Variants in PRKCA observed in about 807,000 individuals in gnomAD.
The protein encoded by PRKCA is protein kinase C alpha.
A neutral mutation model predicts 87.0 loss-of-function variants in PRKCA; 27 were observed. The ratio of observed to expected loss-of-function variants is 0.31; its 90% CI spans 0.23 to 0.43. PRKCA has a LOEUF of 0.43. Ranked by LOEUF, PRKCA falls within the 20% of genes least tolerant of loss-of-function variation. PRKCA has a pLI of 1.00. For missense variants in PRKCA, 518 were observed against 852.3 expected (o/e 0.61, Z 4.88); for synonymous variants, 329 against 311.1 (o/e 1.06, Z -0.61).
At chr17:66,330,991 C>G (rs1038001301) in intron 2 of PRKCA, among the ~76,000 whole-genome samples, 3 of 152,206 alleles carry the variant, frequency 2.0e-5, no homozygotes, top group African/African-American at 7.2e-5. Flanking sequence ...TACTTTTAAT[C>G]TCTGGAGCAA....
Position 66,804,918 on chromosome 17 carries a change from C to A in PRKCA, c.*881C>A. ...AGTGTTGTTCACCAACACCCACCCC[C>A]ACACACACCAACATTTTGCTGCCTA... On this transcript the variant is annotated 3_prime_UTR_variant, in exon 17 of 17. Coordinates refer to ENST00000413366, the MANE Select transcript of PRKCA (RefSeq NM_002737.3). 1.2e-6 allele frequency: 1 copy of A among 868,802 alleles called. No individual in the cohort carries two copies. Among genetic ancestry groups the A allele is most frequent in the Non-Finnish European group, 1.4e-6 (1 of 738,592 alleles). The allele number at this position is 868,802 out of a possible 1,614,324, so 53.8% of individuals were successfully genotyped here.
intron 2 of PRKCA, among the ~76,000 whole-genome samples, chr17:66,481,723 C>T (rs1040140447): frequency 2.0e-5 from 3 of 152,182 alleles, no homozygotes; most frequent in African/African-American, 7.2e-5. Flanking sequence ...CCTCCCAGGC[C>T]TGCCAGACTT....
At chr17:66,670,757 G>A (rs1598860452) in intron 5 of PRKCA, among the ~76,000 whole-genome samples, 1 of 152,080 alleles carries the variant, frequency 6.6e-6, no homozygotes, top group African/African-American at 2.4e-5. Flanking sequence ...AGCTACTCGG[G>A]AGGCTGAGGT....
Position 66,810,031 on chromosome 17 carries a change from A to G in PRKCA, c.*5994A>G, listed in dbSNP as rs1976130225. On this transcript the variant is annotated 3_prime_UTR_variant, in exon 17 of 17. Coordinates refer to ENST00000413366, the MANE Select transcript of PRKCA (RefSeq NM_002737.3). ...ATAAGAGGCAGCAGCAAACGTGCCT[A>G]TTGACGTCTGTTTCATAGTTACCAC... 6.6e-6 allele frequency: 1 copy of G among 152,258 alleles called. No homozygotes were observed. Among genetic ancestry groups the G allele is most frequent in the Non-Finnish European group, 1.5e-5 (1 of 68,048 alleles). The allele number at this position is 152,258 out of a possible 1,614,324, so 9.4% of individuals were successfully genotyped here.
rs1445836896 is a variant in PRKCA, at chr17:66,768,264, G to A, written c.1525-5723G>A. Among the ~76,000 whole-genome samples, 10 of 127,880 alleles carry A rather than the reference G, an allele frequency of 7.8e-5. No individual in the cohort carries two copies. The East Asian group carries it at 1.2e-3, about 16-fold the overall frequency. 83.9% of individuals were successfully genotyped at this position (127,880 alleles called of 152,430 possible). A position where few individuals can be genotyped will look rare whatever the true frequency, so the allele number is the denominator to read the frequency against. The stretch of plus-strand genomic sequence containing the variant: ...CAGCCATTTTTTTTTTTTTTTTTGG[G>A]GGGGAGAGATTAGGGTCTTGCTATG... On this transcript the variant is annotated intron_variant, in intron 13 of 16. Transcript: ENST00000413366.
chr17:66,702,462 A>G (rs1263447771), intron 8 of PRKCA, among the ~76,000 whole-genome samples: 3 of 152,140 alleles, frequency 2.0e-5, no homozygotes, highest in Admixed American at 1.3e-4. Context: ...GTTAAATACA[A>G]ACTTTCAGCT....
intron 2 of PRKCA, among the ~76,000 whole-genome samples, chr17:66,453,416 C>G (rs1374567727): frequency 1.3e-5 from 2 of 151,882 alleles, no homozygotes; most frequent in Non-Finnish European, 2.9e-5. Context: ...CTCCTGGGTT[C>G]AAGCGATTCT....
intron 5 of PRKCA, among the ~76,000 whole-genome samples, chr17:66,674,412 G>A (rs2143965469): frequency 6.6e-6 from 1 of 152,376 alleles, no homozygotes; most frequent in South Asian, 2.1e-4. Context: ...GTGCTGGGCA[G>A]TAGGGGTTCA....
chr17:66,577,462 G>A (rs147802209), intron 3 of PRKCA, among the ~76,000 whole-genome samples: 81 of 152,220 alleles, frequency 5.3e-4, no homozygotes, highest in African/African-American at 1.8e-3. Flanking sequence ...CTTGAGATGA[G>A]TCCTCCATAG....
chr17:66,412,750 C>T (rs915885646), intron 2 of PRKCA: 2 of 152,164 alleles, frequency 1.3e-5, no homozygotes, highest in Admixed American at 6.5e-5. Flanking sequence ...ACCACCCTTC[C>T]TCTTCCTCTG....
At chr17:66,555,396 T>G (rs1045039492) in intron 3 of PRKCA, among the ~76,000 whole-genome samples, 4 of 152,198 alleles carry the variant, frequency 2.6e-5, no homozygotes, top group African/African-American at 9.6e-5. Context: ...AAGAACATGC[T>G]TTTCTGTCAT....
chr17:66,790,652 C>T lies in PRKCA; in HGVS notation c.1854+1673C>T, dbSNP rs141228537. Among the ~76,000 whole-genome samples, 104 of 152,306 alleles carry T rather than the reference C, an allele frequency of 6.8e-4. No homozygotes were observed. The East Asian group carries it at 0.016, about 23-fold the overall frequency. On this transcript the variant is annotated intron_variant, in intron 16 of 16. Coordinates refer to ENST00000413366, the MANE Select transcript of PRKCA (RefSeq NM_002737.3). ...AACAACGTAGAGATGCGTACTGACC[C>T]CGCCTTGAGGGTTGGGCAAAATCCA...
intron 2 of PRKCA, chr17:66,414,894 G>A (rs939930584): frequency 6.6e-6 from 1 of 152,076 alleles, no homozygotes; most frequent in Non-Finnish European, 1.5e-5. Flanking sequence ...GACTAGTTTA[G>A]TGACATGATG....
At chr17:66,569,961 G>A (rs1407586985) in intron 3 of PRKCA, among the ~76,000 whole-genome samples, 1 of 152,178 alleles carries the variant, frequency 6.6e-6, no homozygotes, top group East Asian at 1.9e-4. Context: ...GTTCACAGAA[G>A]TATTATTCAT....
chr17:66,540,530 C>A (rs556491497), intron 3 of PRKCA, among the ~76,000 whole-genome samples: 39 of 152,230 alleles, frequency 2.6e-4, no homozygotes, highest in Non-Finnish European at 4.9e-4. Context: ...GGCTGCCGTG[C>A]GGGGGCTGCA....
chr17:66,379,578 C>T (rs1909668978), intron 2 of PRKCA, among the ~76,000 whole-genome samples: 1 of 152,212 alleles, frequency 6.6e-6, no homozygotes, highest in Non-Finnish European at 1.5e-5. Context: ...TGAAGCTTCA[C>T]TAATTGTAAT....
At chr17:66,433,257 C>A (rs185747581) in intron 2 of PRKCA, among the ~76,000 whole-genome samples, 1 of 152,320 alleles carries the variant, frequency 6.6e-6, no homozygotes, top group Admixed American at 6.5e-5. Flanking sequence ...GGGCCCAGAG[C>A]TTCCCTGCAG....
intron 8 of PRKCA, among the ~76,000 whole-genome samples, chr17:66,717,750 C>T (rs1973513119): frequency 6.6e-6 from 1 of 152,210 alleles, no homozygotes; most frequent in Non-Finnish European, 1.5e-5. Flanking sequence ...CTCTCTAGAC[C>T]TCAGCATCTT....
intron 3 of PRKCA, among the ~76,000 whole-genome samples, 162 bp from the exon 4 acceptor site, chr17:66,641,193 G>A (rs994942120): frequency 1.1e-4 from 17 of 151,398 alleles, no homozygotes; most frequent in African/African-American, 3.1e-4. Flanking sequence ...ATTTAGTGGC[G>A]AAGTCACCAC....
Sources: gnomAD v4.1 joint callset for allele counts (sites outside exome capture counted in the v4.1 genomes callset) on GRCh38, gnomAD v4.1.1 for gene constraint, MANE v1.5 for transcripts, NCBI Gene and HGNC (gene_info 2026-07-23, HGNC 2026-07-21) for gene names.